TCF20: variants seen among roughly 807,000 people sequenced by gnomAD.
TCF20 encodes the protein SPRE-binding protein.
In TCF20, 3 loss-of-function variants were observed where a neutral mutation model predicts 148.6. The ratio of observed to expected loss-of-function variants is 0.02; its 90% CI spans 0.01 to 0.05. TCF20 has a LOEUF of 0.05. Ranked by LOEUF, TCF20 falls within the 10% of genes least tolerant of loss-of-function variation. The pLI, the probability that TCF20 is intolerant of heterozygous loss-of-function variation, is 1.00. For synonymous variants in TCF20, 1,049 were observed against 909.5 expected (o/e 1.15, Z -2.76); for missense variants, 2,350 against 2,429.3 (o/e 0.97, Z 0.69).
chr22:42,238,894 G>C (rs1233520756), intron 1 of TCF20, among the ~76,000 whole-genome samples: 8 of 151,940 alleles, frequency 5.3e-5, no homozygotes, highest in Admixed American at 5.2e-4. Flanking sequence ...GAGGTGGGTG[G>C]ATCATGAGGT....
At chr22:42,243,643 TTAA>T (rs1001758937) in intron 1 of TCF20, among the ~76,000 whole-genome samples, 1 of 151,808 alleles carries the variant, frequency 6.6e-6, no homozygotes. Flanking sequence ...TGGACTTGAG[TTAA>T]TAATAAAATA....
At chr22:42,291,238 A>C (rs1419439325) in intron 1 of TCF20, among the ~76,000 whole-genome samples, 1 of 152,186 alleles carries the variant, frequency 6.6e-6, no homozygotes, top group East Asian at 1.9e-4. Context: ...GTTACTTAAG[A>C]AGCTCACAGT....
intron 1 of TCF20, among the ~76,000 whole-genome samples, chr22:42,253,416 T>C (rs529928543): frequency 2.6e-5 from 4 of 152,304 alleles, no homozygotes; most frequent in African/African-American, 9.6e-5. Context: ...AAAGTAGAGA[T>C]AATGCTTTGT....
chr22:42,189,924 G>A lies in TCF20; in HGVS notation c.5656-10222C>T, dbSNP rs1034208525. Among the ~76,000 whole-genome samples, 14 of 152,146 alleles carry A rather than the reference G, an allele frequency of 9.2e-5. No homozygotes were observed. In the East Asian group the frequency reaches 9.6e-4, roughly 10 times the overall value. On this transcript the variant is annotated intron_variant, in intron 2 of 5. Coordinates refer to ENST00000677622, the MANE Select transcript of TCF20 (RefSeq NM_001378418.1). ...TAAGGAAAAGAGAGAAAGCTGGGGC[G>A]GAGAGGAAGTTCTCGGAGTTTTTCA... is the stretch of plus-strand genomic sequence containing the variant.
At chr22:42,246,282 T>C (rs1924897209) in intron 1 of TCF20, among the ~76,000 whole-genome samples, 1 of 152,132 alleles carries the variant, frequency 6.6e-6, no homozygotes, top group Non-Finnish European at 1.5e-5. Flanking sequence ...CTTTCGTATT[T>C]TTGGTAGAGA....
At chr22:42,243,310 A>AAAAACAAAAAAAAAAAAAAC (rs1555943091) in intron 1 of TCF20, among the ~76,000 whole-genome samples, 1 of 140,864 alleles carries the variant, frequency 7.1e-6, no homozygotes, top group African/African-American at 3.0e-5. Flanking sequence ...AAAAAAAAAA[A>AAAAACAAAAAAAAAAAAAAC]AAAAAAAAAA....
intron 1 of TCF20, among the ~76,000 whole-genome samples, chr22:42,228,646 A>T (rs1424542358): frequency 6.6e-6 from 1 of 152,236 alleles, no homozygotes; most frequent in Non-Finnish European, 1.5e-5. Flanking sequence ...GTGCTTTGCC[A>T]AACATGGCAA....
chr22:42,319,058 G>A (rs551988262), intron 1 of TCF20, among the ~76,000 whole-genome samples: 2 of 152,210 alleles, frequency 1.3e-5, no homozygotes, highest in Non-Finnish European at 2.9e-5. Context: ...AGAGGACTCA[G>A]ACACAGCCCC....
At chr22:42,250,881 G>A (rs1205989592) in intron 1 of TCF20, among the ~76,000 whole-genome samples, 1 of 152,174 alleles carries the variant, frequency 6.6e-6, no homozygotes, top group African/African-American at 2.4e-5. Context: ...AAGGCAAAGG[G>A]GGAACAGGCA....
intron 1 of TCF20, among the ~76,000 whole-genome samples, chr22:42,308,505 G>A (rs545050502): frequency 1.3e-5 from 2 of 152,222 alleles, no homozygotes; most frequent in South Asian, 2.1e-4. Flanking sequence ...GTCTCAAGGA[G>A]GTAATGAAGG....
At chr22:42,217,170 C>T (rs1221924702) in intron 1 of TCF20, among the ~76,000 whole-genome samples, 1 of 152,114 alleles carries the variant, frequency 6.6e-6, no homozygotes, top group Non-Finnish European at 1.5e-5. Flanking sequence ...TCTCAAAGGC[C>T]CCTGCTCCCA....
At chr22:42,293,227 C>T (rs1010586290) in intron 1 of TCF20, among the ~76,000 whole-genome samples, 1 of 152,218 alleles carries the variant, frequency 6.6e-6, no homozygotes, top group Non-Finnish European at 1.5e-5. Flanking sequence ...TCTGAGCAAA[C>T]TGCCACCCTG....
At chr22:42,288,096 T>C (rs113742507), upstream of TCF20, among the ~76,000 whole-genome samples, 5 of 152,062 alleles carry the variant, frequency 3.3e-5, no homozygotes. Flanking sequence ...CTTTTCCTAT[T>C]AAGAGATCAG....
intron 3 of TCF20, 143 bp downstream of exon 3, chr22:42,179,466 G>A: frequency 3.5e-6 from 2 of 573,772 alleles, no homozygotes; most frequent in Admixed American, 3.0e-5. Context: ...CTGCTAATGG[G>A]TGGGAAGTTT....
At chr22:42,326,649 C>T (rs925131319) in intron 1 of TCF20, among the ~76,000 whole-genome samples, 1 of 152,210 alleles carries the variant, frequency 6.6e-6, no homozygotes, top group Non-Finnish European at 1.5e-5. Flanking sequence ...GCCGTTTAGC[C>T]AGGCCACCCA....
chr22:42,296,555 C>T (rs954940677), intron 1 of TCF20, among the ~76,000 whole-genome samples: 1 of 152,234 alleles, frequency 6.6e-6, no homozygotes, highest in Non-Finnish European at 1.5e-5. Context: ...CAGCCGGCCC[C>T]CTGGCATTGG....
intron 1 of TCF20, among the ~76,000 whole-genome samples, chr22:42,303,070 C>T (rs944891848): frequency 1.3e-5 from 2 of 152,224 alleles, no homozygotes; most frequent in African/African-American, 2.4e-5. Context: ...GCTGGGATTA[C>T]GGGTGCCCAA....
chr22:42,176,694 T>C (rs565423254), intron 3 of TCF20, among the ~76,000 whole-genome samples: 4 of 152,198 alleles, frequency 2.6e-5, no homozygotes, highest in Non-Finnish European at 5.9e-5. Context: ...TAGATACATC[T>C]AATGCTCAAG....
chr22:42,232,408 A>C (rs1923499980), intron 1 of TCF20, among the ~76,000 whole-genome samples: 4 of 152,166 alleles, frequency 2.6e-5, no homozygotes, highest in Admixed American at 1.3e-4. Flanking sequence ...AAAACAAAAA[A>C]AAAACAACGT....
Sources: allele counts gnomAD v4.1 joint callset (sites outside exome capture counted in the v4.1 genomes callset), GRCh38; gene constraint gnomAD v4.1.1; transcripts MANE v1.5; gene names NCBI Gene and HGNC (gene_info 2026-07-23, HGNC 2026-07-21).